The following KLHL32 variants were observed in gnomAD, a reference collection of about 807,000 sequenced individuals.
KLHL32 encodes the protein kelch like family member 32.
A neutral mutation model predicts 64.8 loss-of-function variants in KLHL32; 35 were observed. The observed-to-expected ratio is 0.54, with a 90% CI of 0.41 to 0.72. The LOEUF (loss-of-function observed/expected upper bound fraction) is 0.72, where lower values mean the gene tolerates loss of function less well. Among genes scored for constraint, KLHL32 ranks in the 30% least tolerant of loss-of-function variants. The pLI is 0.00. For synonymous variants in KLHL32, 259 were observed against 281.0 expected, an observed-to-expected ratio of 0.92 and a Z score of 0.78; for missense variants, 589 against 768.5, an observed-to-expected ratio of 0.77 and a Z score of 2.76.
intron 6 of KLHL32, among the ~76,000 whole-genome samples, chr6:97,105,993 T>C (rs762867232): frequency 1.2e-4 from 18 of 152,206 alleles, no homozygotes; most frequent in Non-Finnish European, 2.2e-4. Flanking sequence ...AATCGGAGAA[T>C]AACATTTTCA....
At chr6:96,923,408 C>T (rs1768824244), upstream of KLHL32, among the ~76,000 whole-genome samples, 1 of 152,142 alleles carries the variant, frequency 6.6e-6, no homozygotes, top group African/African-American at 2.4e-5. Context: ...GACACTGCAC[C>T]TAATGTTTGT....
At chr6:97,068,965 T>A (rs151008291) in intron 5 of KLHL32, among the ~76,000 whole-genome samples, 33 of 152,284 alleles carry the variant, frequency 2.2e-4, no homozygotes, top group Admixed American at 3.3e-4. Flanking sequence ...GCTGCTGGGA[T>A]GTGAGAGGCT....
rs140326190 is a variant in KLHL32 at position 97,114,472 on chromosome 6, T to C, written c.1317T>C (p.His439=). ...VQSFDRSLSC[H]AGYVADGLLW... is the part of the protein sequence containing the mutation. ...CCTTTGACAGATCCCTTTCATGCCA[T>C]GCTGGATATGTGGCTGATGGTCTTC... The change falls in exon 7 of 11, where the codon CAT becomes CAC. Residue 439 remains histidine, a synonymous_variant. Coordinates refer to ENST00000369261, the MANE Select transcript of KLHL32 (RefSeq NM_052904.4). 5.0e-4 allele frequency: 810 copies of C among 1,614,130 alleles called. 16 individuals carry two copies. The East Asian group carries it at 8.7e-3, about 17-fold the overall frequency.
In KLHL32 at chr6:97,023,896, C is replaced by CTCT. The variant is rs537954115; in HGVS notation, c.205-17591_205-17589dup. On this transcript the variant is annotated intron_variant, in intron 3 of 10. Transcript: ENST00000369261. Reference sequence around the variant, plus strand: ...GAGAGTCCTGAAAAGCTGCAATAGGCTCTTCTTGTCTTGTCCTAAAGCAAT... The same window carrying CTCT: ...GAGAGTCCTGAAAAGCTGCAATAGGCTCTTCTTCTTGTCTTGTCCTAAAGCAAT... Among the ~76,000 whole-genome samples, 776 of 152,280 alleles carry CTCT rather than the reference C, an allele frequency of 5.1e-3. 3 individuals carry two copies. Among genetic ancestry groups the CTCT allele is most frequent in the Non-Finnish European group, 8.2e-3 (561 of 68,026 alleles).
chr6:97,088,772 T>C (rs1319095424), intron 6 of KLHL32, among the ~76,000 whole-genome samples: 4 of 152,192 alleles, frequency 2.6e-5, no homozygotes, highest in Non-Finnish European at 4.4e-5. Context: ...ATGGCAATTC[T>C]TCATAAAAAA....
intron 6 of KLHL32, among the ~76,000 whole-genome samples, chr6:97,103,932 A>G (rs1796077215): frequency 6.6e-6 from 1 of 152,198 alleles, no homozygotes; most frequent in African/African-American, 2.4e-5. Flanking sequence ...TAGGTGACGT[A>G]TATCCTAGAG....
chr6:96,908,275 T>C, the KLHL32 span, among the ~76,000 whole-genome samples: 1 of 152,238 alleles, frequency 6.6e-6, no homozygotes, highest in Non-Finnish European at 1.5e-5. Flanking sequence ...AAGTACAAGC[T>C]GATGTTAATT....
At chr6:96,994,464 G>C (rs1778211745) in intron 3 of KLHL32, 3 of 974,374 alleles carry the variant, frequency 3.1e-6, no homozygotes, top group African/African-American at 3.5e-5. Context: ...TAAGTACTTT[G>C]GTATAAAGTA....
intron 4 of KLHL32, among the ~76,000 whole-genome samples, chr6:97,054,257 T>C (rs1000358187): frequency 1.3e-5 from 2 of 152,232 alleles, no homozygotes; most frequent in African/African-American, 4.8e-5. Context: ...TTTGAATGTA[T>C]TGAATACTCT....
intron 6 of KLHL32, among the ~76,000 whole-genome samples, chr6:97,099,876 A>G (rs914854799): frequency 4.8e-5 from 5 of 103,472 alleles, no homozygotes; most frequent in African/African-American, 3.3e-4. Flanking sequence ...TATTTGGGTT[A>G]AAAAAAAAAA....
At chr6:96,959,786 G>A (rs1335284533) in intron 1 of KLHL32, among the ~76,000 whole-genome samples, 1 of 152,166 alleles carries the variant, frequency 6.6e-6, no homozygotes, top group Non-Finnish European at 1.5e-5. Context: ...AGGAGCATTT[G>A]AATCATCTTC....
chr6:96,981,950 G>A (rs1412374637), intron 3 of KLHL32, among the ~76,000 whole-genome samples: 1 of 151,996 alleles, frequency 6.6e-6, no homozygotes, highest in Non-Finnish European at 1.5e-5. Context: ...TTAATTTGCT[G>A]AGGATTGTTT....
chr6:97,101,654 T>C (rs1238198052), intron 6 of KLHL32, among the ~76,000 whole-genome samples: 1 of 152,240 alleles, frequency 6.6e-6, no homozygotes, highest in South Asian at 2.1e-4. Flanking sequence ...TTCTCCAACG[T>C]TGAATTTAAC....
intron 5 of KLHL32, among the ~76,000 whole-genome samples, chr6:97,081,851 T>C (rs905699734): frequency 6.6e-6 from 1 of 152,220 alleles, no homozygotes; most frequent in Non-Finnish European, 1.5e-5. Flanking sequence ...TGCCAATTCC[T>C]GCTGTAGTCC....
Position 97,103,380 on chromosome 6 carries a change from A to AT in KLHL32, c.628-10397dup, listed in dbSNP as rs1219906074. The stretch of plus-strand genomic sequence containing the variant: ...AGGCACCTGCCATCACACCTGGGTA[A>AT]TTTTTTGTATTTTTGGTAGAGATGG... On this transcript the variant is annotated intron_variant, in intron 6 of 10. Transcript: ENST00000369261. Among the ~76,000 whole-genome samples the AT allele has an allele frequency of 2.0e-5, 3 of 151,948 alleles. No homozygotes were observed. In the South Asian group the frequency reaches 6.3e-4, roughly 32 times the overall value.
intron 4 of KLHL32, among the ~76,000 whole-genome samples, chr6:97,048,845 ATAG>A (rs760182757): frequency 6.6e-6 from 1 of 152,226 alleles, no homozygotes; most frequent in East Asian, 1.9e-4. Flanking sequence ...ATTGAGCTAA[ATAG>A]TAGCACATGG....
At chr6:97,025,687 C>A (rs76697681) in intron 3 of KLHL32, among the ~76,000 whole-genome samples, 1 of 152,058 alleles carries the variant, frequency 6.6e-6, no homozygotes, top group African/African-American at 2.4e-5. Context: ...GAGGGAGGCA[C>A]CTGAGTAGGC....
At chr6:97,119,726 C>G (rs1406365488) in intron 7 of KLHL32, among the ~76,000 whole-genome samples, 1 of 152,172 alleles carries the variant, frequency 6.6e-6, no homozygotes, top group Non-Finnish European at 1.5e-5. Flanking sequence ...AGACAACTTT[C>G]CAATTAACAG....
At chr6:97,122,551 T>C (rs574139603) in intron 7 of KLHL32, among the ~76,000 whole-genome samples, 2 of 152,324 alleles carry the variant, frequency 1.3e-5, no homozygotes, top group African/African-American at 4.8e-5. Context: ...GCCCTCTAAA[T>C]AGTGACTAAT....
Sources: gnomAD v4.1 joint callset for allele counts (sites outside exome capture counted in the v4.1 genomes callset) on GRCh38, gnomAD v4.1.1 for gene constraint, MANE v1.5 for transcripts, NCBI Gene and HGNC (gene_info 2026-07-23, HGNC 2026-07-21) for gene names.